BMPR1B: variants seen among roughly 807,000 people sequenced by gnomAD.
BMPR1B encodes bone morphogenetic protein receptor type 1B.
BMPR1B carries 12 observed loss-of-function variants against 59.1 expected under a neutral mutation model. The observed-to-expected ratio is 0.20, with a 90% CI of 0.13 to 0.33. BMPR1B has a LOEUF of 0.33. Ranked by LOEUF, BMPR1B falls within the 10% of genes least tolerant of loss-of-function variation. The probability of loss-of-function intolerance (pLI) is 1.00; values close to 1 mark genes in which losing one functional copy is unlikely to be tolerated. For synonymous variants in BMPR1B, 237 were observed against 207.3 expected (o/e 1.14, Z -1.23); for missense variants, 550 against 610.9 (o/e 0.90, Z 1.05).
chr4:94,758,835 C>T (rs1051168485), intron 1 of BMPR1B, among the ~76,000 whole-genome samples: 2 of 152,094 alleles, frequency 1.3e-5, no homozygotes, highest in Non-Finnish European at 2.9e-5. Context: ...GTCTGTCTCC[C>T]TCTCCCCACC....
intron 1 of BMPR1B, among the ~76,000 whole-genome samples, chr4:94,819,767 G>A (rs1724138298): frequency 6.6e-6 from 1 of 152,196 alleles, no homozygotes; most frequent in South Asian, 2.1e-4. Context: ...TCTGCTTAAT[G>A]GTAAGAAATG....
intron 2 of BMPR1B, among the ~76,000 whole-genome samples, chr4:94,949,258 G>T (rs1242832090): frequency 6.6e-6 from 1 of 150,954 alleles, no homozygotes; most frequent in Non-Finnish European, 1.5e-5. Flanking sequence ...TTTGCTGAGA[G>T]TGATGGTTTC....
At chr4:94,957,788 CT>C (rs1197595919) in intron 2 of BMPR1B, among the ~76,000 whole-genome samples, 1 of 152,002 alleles carries the variant, frequency 6.6e-6, no homozygotes, top group Non-Finnish European at 1.5e-5. Flanking sequence ...TAAGATGTAT[CT>C]TTTTCAAATA....
chr4:95,026,098 A>ATTTCTTTCTTTCTTTCTTTTTTTC (rs1724344470), intron 3 of BMPR1B, among the ~76,000 whole-genome samples: 16 of 101,622 alleles, frequency 1.6e-4, no homozygotes, highest in Non-Finnish European at 2.6e-4. Context: ...GCTTTCTTTC[A>ATTTCTTTCTTTCTTTCTTTTTTTC]TTTCTTTCTT....
At chr4:94,938,625 G>T (rs559709791) in intron 2 of BMPR1B, among the ~76,000 whole-genome samples, 154 of 152,232 alleles carry the variant, frequency 1.0e-3, no homozygotes, top group Non-Finnish European at 1.8e-3. Context: ...AGAATTAGAG[G>T]CCTCAAGATG....
intron 3 of BMPR1B, among the ~76,000 whole-genome samples, chr4:95,018,753 TTC>T: frequency 6.6e-6 from 1 of 152,124 alleles, no homozygotes; most frequent in East Asian, 1.9e-4. Context: ...CAGCCTAGGA[TTC>T]AATTTTGGGT....
intron 2 of BMPR1B, among the ~76,000 whole-genome samples, chr4:94,950,965 G>A (rs1729910470): frequency 1.3e-5 from 2 of 152,168 alleles, no homozygotes; most frequent in African/African-American, 4.8e-5. Context: ...CTTGAGCAGT[G>A]TTTTGTAGTT....
chr4:95,139,343 G>C (rs1283015673), intron 10 of BMPR1B, among the ~76,000 whole-genome samples: 1 of 152,224 alleles, frequency 6.6e-6, no homozygotes, highest in African/African-American at 2.4e-5. Flanking sequence ...GTGCCTCCCA[G>C]TTAGGCTACT....
At position 95,154,889 on chromosome 4, in the gene BMPR1B, G is replaced by A; in HGVS notation, c.*216G>A. Reference sequence around the variant, plus strand: ...GATCCATGTCTGTTTGTAGGACGGAGAAACCGCTTGGGTAACTTGTTCAAG... The same window carrying A: ...GATCCATGTCTGTTTGTAGGACGGAAAAACCGCTTGGGTAACTTGTTCAAG... On this transcript the variant is annotated 3_prime_UTR_variant, in exon 13 of 13. Coordinates refer to ENST00000515059, the MANE Select transcript of BMPR1B (RefSeq NM_001203.3). 5.2e-6 allele frequency: 3 copies of A among 580,712 alleles called. No individual in the cohort carries two copies. Among genetic ancestry groups the A allele is most frequent in the Non-Finnish European group, 8.9e-6 (3 of 335,342 alleles). The allele number at this position is 580,712 out of a possible 1,614,324, so 36.0% of individuals were successfully genotyped here.
intron 2 of BMPR1B, among the ~76,000 whole-genome samples, chr4:94,928,748 T>C (rs1728985121): frequency 2.0e-5 from 3 of 152,150 alleles, no homozygotes; most frequent in Admixed American, 1.3e-4. Flanking sequence ...CTTTGGTTCA[T>C]ATAAGATATT....
intron 2 of BMPR1B, among the ~76,000 whole-genome samples, chr4:94,911,448 C>T (rs1479716551): frequency 6.6e-6 from 1 of 152,088 alleles, no homozygotes; most frequent in African/African-American, 2.4e-5. Context: ...GATACCATGG[C>T]TTCACAAGAT....
chr4:94,913,964 G>T (rs1560544515), intron 2 of BMPR1B, among the ~76,000 whole-genome samples: 1 of 152,104 alleles, frequency 6.6e-6, no homozygotes, highest in African/African-American at 2.4e-5. Context: ...GGATAGGGTA[G>T]GTCCTATGGA....
At chr4:94,858,955 T>C (rs1725873377) in intron 1 of BMPR1B, among the ~76,000 whole-genome samples, 1 of 152,238 alleles carries the variant, frequency 6.6e-6, no homozygotes, top group South Asian at 2.1e-4. Context: ...TATTTTCTCT[T>C]TTTCTTTAGA....
chr4:94,763,777 T>A (rs984059809), intron 1 of BMPR1B, among the ~76,000 whole-genome samples: 1 of 152,242 alleles, frequency 6.6e-6, no homozygotes, highest in Non-Finnish European at 1.5e-5. Flanking sequence ...AATTAATCTC[T>A]TGATAGAAAT....
chr4:94,840,731 A>G (rs1456368270), intron 1 of BMPR1B, among the ~76,000 whole-genome samples: 6 of 147,700 alleles, frequency 4.1e-5, no homozygotes, highest in Non-Finnish European at 9.1e-5. Flanking sequence ...GCTCAGAGTA[A>G]TTTGATCGTC....
At chr4:95,051,467 TCAGG>T (rs899489415) in intron 3 of BMPR1B, among the ~76,000 whole-genome samples, 2 of 152,044 alleles carry the variant, frequency 1.3e-5, no homozygotes, top group Non-Finnish European at 2.9e-5. Context: ...ACAATCCGGC[TCAGG>T]GTCCTCACCG....
At chr4:94,975,771 G>A (rs1731010178) in intron 2 of BMPR1B, among the ~76,000 whole-genome samples, 1 of 152,174 alleles carries the variant, frequency 6.6e-6, no homozygotes. Flanking sequence ...TATAGACAAT[G>A]TCATTGAAAG....
intron 3 of BMPR1B, among the ~76,000 whole-genome samples, chr4:95,015,407 T>C (rs1269457724): frequency 6.6e-6 from 1 of 152,118 alleles, no homozygotes; most frequent in African/African-American, 2.4e-5. Context: ...TAACAGAACT[T>C]CTTTTTTTGA....
chr4:94,836,925 T>G lies in BMPR1B; in HGVS notation c.-182-38906T>G, dbSNP rs563450727. ...TTTAAATCTTTAATCCATCTTGAAT[T>G]GATTTTTGTATAAGGTGTAAGGAAG... On this transcript the variant is annotated intron_variant, in intron 1 of 12. Transcript: ENST00000515059. Among the ~76,000 whole-genome samples, 319 of 149,458 alleles carry G rather than the reference T, an allele frequency of 2.1e-3. 1 individual carries two copies. The highest frequency in any genetic ancestry group is 7.4e-3 in the African/African-American group (300 of 40,456).
Sources: gnomAD v4.1 joint callset for allele counts (sites outside exome capture counted in the v4.1 genomes callset) on GRCh38, gnomAD v4.1.1 for gene constraint, MANE v1.5 for transcripts, NCBI Gene and HGNC (gene_info 2026-07-23, HGNC 2026-07-21) for gene names.